The following DNMT3B variants were observed in gnomAD, a reference collection of about 807,000 sequenced individuals.
DNMT3B encodes DNA (cytosine-5)-methyltransferase 3B.
In DNMT3B, 37 loss-of-function variants were observed where a neutral mutation model predicts 120.2. That is an observed-to-expected ratio of 0.31 (90% CI 0.24 to 0.40). The LOEUF is 0.40. Among genes scored for constraint, DNMT3B ranks in the 10% least tolerant of loss-of-function variants. DNMT3B has a pLI of 1.00. For synonymous variants in DNMT3B, 412 were observed against 442.8 expected, an observed-to-expected ratio of 0.93 and a Z score of 0.87; for missense variants, 878 against 1,137.3, an observed-to-expected ratio of 0.77 and a Z score of 3.28.
chr20:32,780,020 T>TTCTGTGTTTG (rs1232942529), intron 1 of DNMT3B: 12 of 1,505,684 alleles, frequency 8.0e-6, no homozygotes, highest in Non-Finnish European at 1.1e-5. Context: ...AGGGGCCGGC[T>TTCTGTGTTTG]AATTGCACAG....
rs1980479730 is a variant in DNMT3B, at chr20:32,795,389, A to C, written c.1127-20A>C. The C allele has an allele frequency of 6.2e-7, 1 of 1,613,788 alleles. No individual in the cohort carries two copies. The highest frequency in any genetic ancestry group is 1.3e-5 in the African/African-American group (1 of 74,912). On this transcript the variant is annotated intron_variant, in intron 10 of 22. Transcript: ENST00000328111. ...GACCCTCCTACCAAGCCACGGCTGC[A>C]GTCTAATTACCTTTCACAGAGAACA...
chr20:32,795,574 G>A, intron 11 of DNMT3B, 40 bp downstream of exon 11: 1 of 1,614,166 alleles, frequency 6.2e-7, no homozygotes, highest in Non-Finnish European at 8.5e-7. Flanking sequence ...CAGATGGGAG[G>A]AGGACGCTGC....
chr20:32,783,528 T>C (rs1371247827), intron 3 of DNMT3B, among the ~76,000 whole-genome samples: 2 of 151,936 alleles, frequency 1.3e-5, no homozygotes, highest in Admixed American at 1.3e-4. Context: ...ATAAAAGTCC[T>C]GGGCAATGAA....
intron 9 of DNMT3B, 54 bp downstream of exon 9, chr20:32,792,824 C>A: frequency 2.5e-6 from 4 of 1,611,398 alleles, no homozygotes; most frequent in Non-Finnish European, 3.4e-6. Context: ...GGGACCACTT[C>A]TTGGGAGAGT....
At position 32,780,368 on chromosome 20, in the gene DNMT3B, C is replaced by T. The variant is rs373594568; in HGVS notation, c.45C>T (p.Gly15=). The T allele has an allele frequency of 7.4e-6, 12 of 1,613,944 alleles. No homozygotes were observed. Among genetic ancestry groups the T allele is most frequent in the African/African-American group, 2.7e-5 (2 of 75,004 alleles). ...TRHLNGEEDA[G]GREDSILVNG... is the part of the protein sequence containing the mutation. Reference sequence around the variant, plus strand: ...ATCTCAATGGAGAGGAGGACGCCGGCGGGAGGGAAGACTCGATCCTCGTCA... The same window carrying T: ...ATCTCAATGGAGAGGAGGACGCCGGTGGGAGGGAAGACTCGATCCTCGTCA... The change falls in exon 2 of 23, where the codon GGC becomes GGT. Residue 15 remains glycine, a synonymous_variant. Coordinates refer to ENST00000328111, the MANE Select transcript of DNMT3B (RefSeq NM_006892.4).
intron 6 of DNMT3B, among the ~76,000 whole-genome samples, chr20:32,788,020 A>G (rs190422050): frequency 6.6e-6 from 1 of 152,328 alleles, no homozygotes; most frequent in African/African-American, 2.4e-5. Context: ...TCATCACTTA[A>G]GGCAAGGACC....
At chr20:32,790,625 A>C (rs1438371004) in intron 7 of DNMT3B, among the ~76,000 whole-genome samples, 1 of 151,978 alleles carries the variant, frequency 6.6e-6, no homozygotes, top group African/African-American at 2.4e-5. Context: ...GGTTTGCATG[A>C]GTGTGAGCAC....
intron 1 of DNMT3B, among the ~76,000 whole-genome samples, chr20:32,764,724 A>T (rs1031944306): frequency 1.3e-5 from 2 of 152,186 alleles, no homozygotes; most frequent in South Asian, 4.1e-4. Context: ...TGGGGTGGAG[A>T]GTGCTGAGAC....
intron 8 of DNMT3B, 74 bp from the exon 9 acceptor site, chr20:32,792,552 G>A: frequency 6.2e-7 from 1 of 1,611,804 alleles, no homozygotes; most frequent in South Asian, 1.1e-5. Context: ...GCCCTGGCTG[G>A]GGGAATCCCT....
chr20:32,797,106 C>T, intron 13 of DNMT3B, 81 bp from the exon 14 acceptor site: 1 of 1,605,772 alleles, frequency 6.2e-7, no homozygotes, highest in Non-Finnish European at 8.5e-7. Context: ...GCAGCTGTAT[C>T]CTAGGGCCTC....
intron 1 of DNMT3B, among the ~76,000 whole-genome samples, chr20:32,765,994 T>G (rs1241782660): frequency 6.6e-6 from 1 of 152,054 alleles, no homozygotes; most frequent in African/African-American, 2.4e-5. Context: ...CCTGACCTCC[T>G]GATCCACCCG....
At chr20:32,790,537 C>T (rs6057646) in intron 7 of DNMT3B, among the ~76,000 whole-genome samples, 30,859 of 152,054 alleles carry the variant, frequency 0.2, 6,635 homozygotes, top group African/African-American at 0.55. Context: ...GGTTTCCCCC[C>T]ACCAGAGCCA....
At chr20:32,773,256 G>A (rs1279745556) in intron 1 of DNMT3B, among the ~76,000 whole-genome samples, 3 of 152,046 alleles carry the variant, frequency 2.0e-5, no homozygotes, top group Non-Finnish European at 4.4e-5. Context: ...ATAGGTGTGT[G>A]CCACCACGCC....
At chr20:32,797,376 T>C (rs1436586297) in intron 14 of DNMT3B, 77 bp downstream of exon 14, 1 of 1,399,114 alleles carries the variant, frequency 7.1e-7, no homozygotes, top group South Asian at 1.2e-5. Context: ...CAGACAGCTG[T>C]CTGTTGAATG....
intron 1 of DNMT3B, among the ~76,000 whole-genome samples, chr20:32,770,891 C>CATGA: frequency 6.6e-6 from 1 of 152,266 alleles, no homozygotes; most frequent in South Asian, 2.1e-4. Flanking sequence ...GGATTACAGG[C>CATGA]ATGAGCCACC....
intron 12 of DNMT3B, among the ~76,000 whole-genome samples, chr20:32,796,167 A>G (rs909459844): frequency 2.0e-5 from 3 of 152,236 alleles, no homozygotes; most frequent in South Asian, 4.1e-4. Flanking sequence ...TAGTTACTCA[A>G]TGTTGAATAG....
intron 5 of DNMT3B, 47 bp from the exon 6 acceptor site, chr20:32,787,182 AC>A (rs879922034): frequency 6.2e-7 from 1 of 1,612,412 alleles, no homozygotes; most frequent in African/African-American, 1.3e-5. Context: ...GTCTCTGGTC[AC>A]CGACATCCTT....
At chr20:32,796,914 C>G (rs763119305) in intron 13 of DNMT3B, 45 bp downstream of exon 13, 9 of 1,614,042 alleles carry the variant, frequency 5.6e-6, no homozygotes, top group African/African-American at 1.3e-5. Context: ...CCCTTGCCTC[C>G]TCTAACTCCC....
At chr20:32,796,726 C>T in intron 12 of DNMT3B, 64 bp from the exon 13 acceptor site, 2 of 1,580,948 alleles carry the variant, frequency 1.3e-6, no homozygotes, top group Admixed American at 1.7e-5. Context: ...TGAGAGACCC[C>T]AGGCTTTAGC....
Sources: gnomAD v4.1 joint callset for allele counts (sites outside exome capture counted in the v4.1 genomes callset) on GRCh38, gnomAD v4.1.1 for gene constraint, MANE v1.5 for transcripts, NCBI Gene and HGNC (gene_info 2026-07-23, HGNC 2026-07-21) for gene names.